Variants in SLC4A4 observed in about 807,000 individuals in gnomAD.
SLC4A4 encodes the protein electrogenic sodium bicarbonate cotransporter 1.
SLC4A4 carries 27 observed loss-of-function variants against 111.5 expected under a neutral mutation model. That is an observed-to-expected ratio of 0.24 (90% CI 0.18 to 0.33). The LOEUF (loss-of-function observed/expected upper bound fraction) is 0.33, where lower values mean the gene tolerates loss of function less well. Among genes scored for constraint, SLC4A4 ranks in the 10% least tolerant of loss-of-function variants. The pLI, the probability that SLC4A4 is intolerant of heterozygous loss-of-function variation, is 1.00. For synonymous variants in SLC4A4, 443 were observed against 463.4 expected (o/e 0.96, Z 0.57); for missense variants, 909 against 1,315.5 (o/e 0.69, Z 4.78).
chr4:71,194,795 G>T (rs888987438), intron 1 of SLC4A4, among the ~76,000 whole-genome samples: 10 of 152,126 alleles, frequency 6.6e-5, no homozygotes, highest in Admixed American at 6.5e-4. Context: ...ACCATGTTTT[G>T]TGTAAAATTG....
chr4:71,378,376 C>T (rs549550919), intron 6 of SLC4A4, among the ~76,000 whole-genome samples: 2 of 152,280 alleles, frequency 1.3e-5, no homozygotes, highest in South Asian at 4.1e-4. Flanking sequence ...AAATCTCCTG[C>T]ATACTCTTAC....
chr4:71,443,337 A>G (rs1270799552), intron 8 of SLC4A4, among the ~76,000 whole-genome samples: 1 of 151,240 alleles, frequency 6.6e-6, no homozygotes, highest in African/African-American at 2.4e-5. Flanking sequence ...TTTTGTAGAG[A>G]CGGGGTTTCA....
At chr4:71,153,575 T>A (rs35050398) in intron 2 of SLC4A4, among the ~76,000 whole-genome samples, 27,038 of 152,018 alleles carry the variant, frequency 0.18, 2,872 homozygotes, top group South Asian at 0.34. Context: ...GTTCTAAAAC[T>A]TTTTTTCAGA....
intron 1 of SLC4A4, among the ~76,000 whole-genome samples, chr4:71,066,034 C>A (rs564592497): frequency 2.1e-4 from 32 of 151,926 alleles, no homozygotes; most frequent in African/African-American, 7.7e-4. Flanking sequence ...TTTCTTGAAT[C>A]AATGAATGAA....
intron 1 of SLC4A4, among the ~76,000 whole-genome samples, chr4:71,230,670 G>A (rs1222884558): frequency 6.6e-6 from 1 of 152,184 alleles, no homozygotes; most frequent in Non-Finnish European, 1.5e-5. Context: ...TCTCTAGGGT[G>A]CCATCCCCGA....
intron 3 of SLC4A4, among the ~76,000 whole-genome samples, chr4:71,325,391 TA>T (rs1727427607): frequency 6.6e-6 from 1 of 152,040 alleles, no homozygotes; most frequent in Non-Finnish European, 1.5e-5. Flanking sequence ...CAGATTGCTT[TA>T]AAACAATTTT....
At chr4:71,322,057 A>G (rs1347936750) in intron 3 of SLC4A4, among the ~76,000 whole-genome samples, 1 of 152,020 alleles carries the variant, frequency 6.6e-6, no homozygotes, top group Non-Finnish European at 1.5e-5. Flanking sequence ...AGAAAACCTT[A>G]TTGTAGAATC....
intron 5 of SLC4A4, among the ~76,000 whole-genome samples, chr4:71,350,433 A>G (rs1184977397): frequency 6.6e-6 from 1 of 151,870 alleles, no homozygotes; most frequent in Non-Finnish European, 1.5e-5. Context: ...GCTGGAGTGC[A>G]GTGGCGCGAT....
chr4:71,489,741 AT>A (rs1273930613), intron 15 of SLC4A4, among the ~76,000 whole-genome samples: 1 of 151,534 alleles, frequency 6.6e-6, no homozygotes, highest in Admixed American at 6.6e-5. Context: ...TCAGGACTTA[AT>A]TTTCCTTTTT....
At position 71,396,966 on chromosome 4, in the gene SLC4A4, G is replaced by T. The variant is rs372356902; in HGVS notation, c.731-611G>T. Among the ~76,000 whole-genome samples, 23 of 152,220 alleles carry T rather than the reference G, an allele frequency of 1.5e-4. 1 individual carries two copies. The highest frequency in any genetic ancestry group is 5.3e-4 in the African/African-American group (22 of 41,460). ...AATGGGAATGCAGAGAAATAAGGCA[G>T]CCTGTGATAACACTACATTGAGGCA... is the stretch of plus-strand genomic sequence containing the variant. On this transcript the variant is annotated intron_variant, in intron 6 of 25. Transcript: ENST00000264485.
At chr4:71,152,700 T>C (rs1270052964) in intron 2 of SLC4A4, among the ~76,000 whole-genome samples, 2 of 152,100 alleles carry the variant, frequency 1.3e-5, no homozygotes, top group Non-Finnish European at 2.9e-5. Context: ...TTGACGCACA[T>C]GTGCATCAGA....
chr4:71,322,998 G>GT (rs1727237729), intron 3 of SLC4A4, among the ~76,000 whole-genome samples: 1 of 151,904 alleles, frequency 6.6e-6, no homozygotes, highest in Admixed American at 6.6e-5. Context: ...GGCTATTCTA[G>GT]TCCCTAAACA....
At chr4:71,063,679 C>G (rs115882191) in intron 1 of SLC4A4, among the ~76,000 whole-genome samples, 4,152 of 152,074 alleles carry the variant, frequency 0.027, 84 homozygotes, top group Middle Eastern at 0.058. Context: ...TTTATTGTTT[C>G]ATACCTGTTC....
At chr4:71,477,095 G>A (rs1349415626) in intron 14 of SLC4A4, among the ~76,000 whole-genome samples, 1 of 151,750 alleles carries the variant, frequency 6.6e-6, no homozygotes, top group African/African-American at 2.4e-5. Flanking sequence ...GTGATAAAGT[G>A]TAAATACTAT....
At chr4:71,117,810 A>G (rs901762943) in intron 2 of SLC4A4, among the ~76,000 whole-genome samples, 1 of 151,848 alleles carries the variant, frequency 6.6e-6, no homozygotes, top group Non-Finnish European at 1.5e-5. Flanking sequence ...TATAATTTCC[A>G]TTGTGATTCC....
intron 14 of SLC4A4, chr4:71,473,364 A>G (rs1235660420): frequency 2.1e-6 from 1 of 471,010 alleles, no homozygotes; most frequent in African/African-American, 1.9e-5. Flanking sequence ...TCTTCCTTTA[A>G]GTAAACCTTT....
intron 2 of SLC4A4, among the ~76,000 whole-genome samples, chr4:71,168,282 A>G (rs1744839335): frequency 6.7e-6 from 1 of 149,192 alleles, no homozygotes; most frequent in Admixed American, 6.7e-5. Context: ...CCTGGGTTCA[A>G]GTGATTCTCC....
chr4:71,361,233 C>T (rs1330607817), intron 6 of SLC4A4, among the ~76,000 whole-genome samples: 1 of 152,186 alleles, frequency 6.6e-6, no homozygotes, highest in Non-Finnish European at 1.5e-5. Context: ...GTTCTTTCCC[C>T]TGGTAACCGG....
chr4:71,217,068 G>T (rs1022301577), intron 1 of SLC4A4, among the ~76,000 whole-genome samples: 2 of 152,180 alleles, frequency 1.3e-5, no homozygotes, highest in Non-Finnish European at 2.9e-5. Flanking sequence ...GAAACTGTGT[G>T]AGTGGGACAA....
Sources: allele counts gnomAD v4.1 joint callset (sites outside exome capture counted in the v4.1 genomes callset), GRCh38; gene constraint gnomAD v4.1.1; transcripts MANE v1.5; gene names NCBI Gene and HGNC (gene_info 2026-07-23, HGNC 2026-07-21).